Variants in ANKRD11 observed in about 807,000 individuals in gnomAD.
ANKRD11 encodes the protein ankyrin repeat domain-containing protein 11.
Under a neutral mutation model 195.7 loss-of-function variants are expected in ANKRD11, and 17 were observed. That is an observed-to-expected ratio of 0.09 (90% CI 0.06 to 0.13). ANKRD11 has a LOEUF of 0.13. Ranked by LOEUF, ANKRD11 falls within the 10% of genes least tolerant of loss-of-function variation. The pLI is 1.00. For missense variants in ANKRD11, 3,735 were observed against 3,566.1 expected (o/e 1.05, Z -1.21); for synonymous variants, 1,953 against 1,528.1 (o/e 1.28, Z -6.49).
intron 2 of ANKRD11, among the ~76,000 whole-genome samples, chr16:89,317,902 A>G (rs986767058): frequency 6.6e-6 from 1 of 152,024 alleles, no homozygotes; most frequent in Non-Finnish European, 1.5e-5. Context: ...CTTCTTACCC[A>G]AGTTCACGCC....
chr16:89,431,930 T>C (rs996592338), intron 1 of ANKRD11, among the ~76,000 whole-genome samples: 2 of 152,140 alleles, frequency 1.3e-5, no homozygotes, highest in African/African-American at 4.8e-5. Flanking sequence ...AGAAACCAGC[T>C]GCCTCCTCCT....
chr16:89,437,836 G>A (rs1042444508), intron 1 of ANKRD11, among the ~76,000 whole-genome samples: 3 of 152,154 alleles, frequency 2.0e-5, no homozygotes, highest in Non-Finnish European at 2.9e-5. Context: ...GCACCTCGAC[G>A]CTATGCCCAG....
chr16:89,282,358 T>A lies in ANKRD11; in HGVS notation c.4184A>T (p.Asp1395Val). The change falls in exon 9 of 13, where the codon GAC (aspartate) becomes GTC (valine). Residue 1395 changes from aspartate (D) to valine (V), a missense_variant. By Grantham distance (152) the Asp-to-Val change is radical. Transcript: ENST00000301030. ...SRKDSGQYEK[D>V]FLEADAYGVS... ...TCCGTAAGCATCCGCCTCCAGGAAG[T>A]CCTTTTCGTACTGGCCGGAGTCCTT... The A allele has an allele frequency of 6.2e-7, 1 of 1,614,192 alleles. No homozygotes were observed. Among genetic ancestry groups the A allele is most frequent in the Non-Finnish European group, 8.5e-7 (1 of 1,180,030 alleles).
At chr16:89,434,917 G>T (rs1016100003) in intron 1 of ANKRD11, among the ~76,000 whole-genome samples, 4 of 152,238 alleles carry the variant, frequency 2.6e-5, no homozygotes, top group Non-Finnish European at 4.4e-5. Context: ...AAACTGAAGT[G>T]TCCATGCGGA....
chr16:89,407,600 T>C (rs1476843574), intron 2 of ANKRD11, among the ~76,000 whole-genome samples: 1 of 152,162 alleles, frequency 6.6e-6, no homozygotes, highest in African/African-American at 2.4e-5. Context: ...GCAGGTGGAT[T>C]GCTTGAGTTC....
intron 4 of ANKRD11, among the ~76,000 whole-genome samples, chr16:89,304,558 GCA>G (rs545355400): frequency 9.5e-5 from 14 of 148,144 alleles, no homozygotes; most frequent in South Asian, 4.3e-4. Flanking sequence ...ACATACACGG[GCA>G]CACACATACA....
chr16:89,419,462 A>G (rs2152236249), intron 1 of ANKRD11, among the ~76,000 whole-genome samples: 1 of 152,196 alleles, frequency 6.6e-6, no homozygotes, highest in Non-Finnish European at 1.5e-5. Flanking sequence ...AAAAAAAAAA[A>G]AAAAAGGCAG....
At chr16:89,286,462 A>AT (rs1220498468) in intron 7 of ANKRD11, 4 of 578,082 alleles carry the variant, frequency 6.9e-6, no homozygotes, top group Non-Finnish European at 1.2e-5. Flanking sequence ...CCTCCTTTGG[A>AT]TTTTTTTCCA....
chr16:89,357,859 G>C (rs965502699), intron 2 of ANKRD11, among the ~76,000 whole-genome samples: 5 of 152,230 alleles, frequency 3.3e-5, no homozygotes, highest in African/African-American at 1.2e-4. Context: ...CCAGGGTGCT[G>C]GCTGCCCCTT....
At chr16:89,350,004 A>G (rs1354375064) in intron 2 of ANKRD11, among the ~76,000 whole-genome samples, 2 of 152,186 alleles carry the variant, frequency 1.3e-5, no homozygotes, top group African/African-American at 2.4e-5. Context: ...TTTAGAAATG[A>G]GCAAATGGCA....
rs1409433141 is a variant in ANKRD11 at position 89,283,041 on chromosome 16, A to C, written c.3501T>G (p.Ser1167=). 7 of 1,613,654 alleles carry C rather than the reference A, an allele frequency of 4.3e-6. No individual in the cohort carries two copies. Among genetic ancestry groups the C allele is most frequent in the Admixed American group, 3.3e-5 (2 of 59,998 alleles). Residue 1167 remains serine (S), a synonymous_variant, in exon 9 of 13, where the codon TCT becomes TCG. Transcript: ENST00000301030. This position sits in a 1 kb window ranked among gnomAD's most constrained non-coding sequence, Gnocchi z 4.3. The stretch of plus-strand genomic sequence containing the variant: ...GCCTCTCAGGGTGCTGCTTGTCAGA[A>C]GACTTCCTGTGTCTGTCGGAGGCAT... ...EAYASDRHRK[S]SDKQHPERQK...
chr16:89,300,560 G>A lies in ANKRD11; in HGVS notation c.226+4646C>T, dbSNP rs1597527019. On this transcript the variant is annotated intron_variant, in intron 4 of 12. Coordinates refer to ENST00000301030, the MANE Select transcript of ANKRD11 (RefSeq NM_013275.6). The stretch of plus-strand genomic sequence containing the variant: ...GCCTCTTCAACTTCACACACTTGTC[G>A]CCTCTAGCACTGGGCAAGGTCTGGC... The A allele has an allele frequency of 1.6e-5, 5 of 306,356 alleles. No individual in the cohort carries two copies. In the East Asian group the frequency reaches 2.0e-4, roughly 12 times the overall value. 19.0% of individuals were successfully genotyped at this position (306,356 alleles called of 1,614,324 possible).
Position 89,282,096 on chromosome 16 carries a change from A to C in ANKRD11, c.4446T>G (p.Asp1482Glu). 6.2e-7 allele frequency: 1 copy of C among 1,613,564 alleles called. No individual in the cohort carries two copies. Among genetic ancestry groups the C allele is most frequent in the Non-Finnish European group, 8.5e-7 (1 of 1,179,852 alleles). The change falls in exon 9 of 13, where the codon GAT becomes GAG. Residue 1482 changes from aspartate to glutamate, a missense_variant. Physicochemically the swap from Asp to Glu is conservative, Grantham distance 45. Coordinates refer to ENST00000301030, the MANE Select transcript of ANKRD11 (RefSeq NM_013275.6). ...CGTCCCTGTGATGCCGCAGCAGCCC[A>C]TCCGCATGCCTGTCCCGGTGCCTCT... ...EKERHRDRHA[D>E]GLLRHHRDEL...
chr16:89,305,428 A>C, intron 3 of ANKRD11, 84 bp from the exon 4 acceptor site: 5 of 1,586,686 alleles, frequency 3.2e-6, no homozygotes, highest in South Asian at 2.2e-5. Flanking sequence ...TGCCAGGAGA[A>C]GCGCATCTCT....
Position 89,280,296 on chromosome 16 carries a change from C to A in ANKRD11, c.6246G>T (p.Glu2082Asp). ...GAGCCACAGCGGCTACACAGGCGGG[C>A]TCGGGGGCCACGTCCAGCGGGGCTT... ...LPEAPLDVAP[E>D]PACVAAVAQV... is the part of the protein sequence containing the mutation. The change falls in exon 9 of 13, where the codon GAG becomes GAT. Residue 2082 changes from glutamate (E) to aspartate (D), a missense_variant. By Grantham distance (45) the Glu-to-Asp change is conservative. Coordinates refer to ENST00000301030, the MANE Select transcript of ANKRD11 (RefSeq NM_013275.6). 9 of 1,598,406 alleles carry A rather than the reference C, an allele frequency of 5.6e-6. No individual in the cohort carries two copies. Among genetic ancestry groups the A allele is most frequent in the East Asian group, 2.2e-5 (1 of 44,612 alleles).
At chr16:89,365,210 G>C (rs2039894019) in intron 2 of ANKRD11, among the ~76,000 whole-genome samples, 2 of 152,192 alleles carry the variant, frequency 1.3e-5, no homozygotes, top group Admixed American at 1.3e-4. Flanking sequence ...TGGCTGGTCA[G>C]AAGGGGAAGT....
intron 4 of ANKRD11, among the ~76,000 whole-genome samples, chr16:89,297,229 G>A (rs2035497393): frequency 6.6e-6 from 1 of 152,178 alleles, no homozygotes; most frequent in African/African-American, 2.4e-5. Context: ...CACAGGCCAC[G>A]ATACTGTCAA....
At chr16:89,447,710 T>G (rs572810044) in intron 1 of ANKRD11, among the ~76,000 whole-genome samples, 11 of 152,266 alleles carry the variant, frequency 7.2e-5, no homozygotes, top group Admixed American at 1.3e-4. Context: ...GTGCTGGGAT[T>G]ACAGGCGTGA....
At chr16:89,358,400 G>C (rs983405980) in intron 2 of ANKRD11, among the ~76,000 whole-genome samples, 16 of 152,348 alleles carry the variant, frequency 1.1e-4, no homozygotes, top group African/African-American at 3.8e-4. Flanking sequence ...ACGTTTCAAA[G>C]AGCCACGTGG....
Sources: allele counts gnomAD v4.1 joint callset (sites outside exome capture counted in the v4.1 genomes callset), GRCh38; gene constraint gnomAD v4.1.1; non-coding constraint Gnocchi (gnomAD v3.1); transcripts MANE v1.5; gene names NCBI Gene and HGNC (gene_info 2026-07-23, HGNC 2026-07-21).